Variants in CSTPP1 observed in about 807,000 individuals in gnomAD.
CSTPP1 encodes the protein centriolar satellite-associated tubulin polyglutamylase complex regulator 1, also known as UPF0705 protein C11orf49.
chr11:47,071,880 A>G, the CSTPP1 span, among the ~76,000 whole-genome samples: 1 of 152,256 alleles, frequency 6.6e-6, no homozygotes, highest in Non-Finnish European at 1.5e-5. Flanking sequence ...ATCATATAAT[A>G]AACATGCTGT....
chr11:47,140,490 T>C, the CSTPP1 span, among the ~76,000 whole-genome samples: 1 of 152,290 alleles, frequency 6.6e-6, no homozygotes, highest in South Asian at 2.1e-4. Flanking sequence ...TGGTGCAATC[T>C]TGGCTGACTG....
the CSTPP1 span, among the ~76,000 whole-genome samples, chr11:47,126,376 AC>A: frequency 8.5e-5 from 13 of 152,278 alleles, no homozygotes; most frequent in South Asian, 1.4e-3. Context: ...TAATCCCAAT[AC>A]TTCGGGAGGC....
At chr11:47,088,289 T>C in the CSTPP1 span, among the ~76,000 whole-genome samples, 1 of 152,180 alleles carries the variant, frequency 6.6e-6, no homozygotes, top group African/African-American at 2.4e-5. Context: ...GCTCCATAAA[T>C]GGCAGTTGTT....
chr11:46,952,453 G>A, the CSTPP1 span, among the ~76,000 whole-genome samples: 8 of 152,368 alleles, frequency 5.3e-5, no homozygotes, highest in South Asian at 2.1e-4. Flanking sequence ...AAGAATGGCA[G>A]TGTATTTTTG....
the CSTPP1 span, among the ~76,000 whole-genome samples, chr11:46,940,302 G>C: frequency 2.0e-5 from 3 of 152,190 alleles, no homozygotes; most frequent in African/African-American, 7.2e-5. Flanking sequence ...GCCTTTTGCT[G>C]TTACTAAGAA....
chr11:47,086,225 C>T, the CSTPP1 span, among the ~76,000 whole-genome samples: 1 of 4,564 alleles, frequency 2.2e-4, no homozygotes, highest in African/African-American at 8.6e-4. Context: ...CCCATCTCTA[C>T]TAAAAATCCA....
the CSTPP1 span, among the ~76,000 whole-genome samples, chr11:47,120,669 C>T: frequency 6.6e-6 from 1 of 152,100 alleles, no homozygotes; most frequent in Non-Finnish European, 1.5e-5. This position sits in a 1 kb window ranked among gnomAD's most constrained non-coding sequence, Gnocchi z 4.2. Flanking sequence ...ATTCAAAGCT[C>T]GAATGTGCTT....
the CSTPP1 span, among the ~76,000 whole-genome samples, chr11:47,037,860 A>G: frequency 7.9e-6 from 1 of 126,528 alleles, no homozygotes; most frequent in Admixed American, 8.4e-5. Flanking sequence ...ATTCCACAAA[A>G]CCGCCATTGT....
the CSTPP1 span, among the ~76,000 whole-genome samples, chr11:47,010,926 A>G: frequency 6.6e-6 from 1 of 152,212 alleles, no homozygotes; most frequent in Non-Finnish European, 1.5e-5. Flanking sequence ...TGTATTACTA[A>G]GTATCAGAAG....
At chr11:47,023,031 G>T in the CSTPP1 span, among the ~76,000 whole-genome samples, 2 of 152,126 alleles carry the variant, frequency 1.3e-5, no homozygotes, top group East Asian at 3.9e-4. Context: ...ATCAGATTTT[G>T]TAGGTCTGGG....
At chr11:47,060,180 G>A in the CSTPP1 span, among the ~76,000 whole-genome samples, 5 of 149,798 alleles carry the variant, frequency 3.3e-5, no homozygotes, top group East Asian at 3.9e-4. Flanking sequence ...AGGCCACAGC[G>A]CTTATAAGTA....
At chr11:47,158,305 A>T in the CSTPP1 span, among the ~76,000 whole-genome samples, 1 of 152,026 alleles carries the variant, frequency 6.6e-6, no homozygotes, top group Non-Finnish European at 1.5e-5. Context: ...TTTATAAACA[A>T]GGCACAGGTG....
the CSTPP1 span, among the ~76,000 whole-genome samples, chr11:46,990,753 T>C: frequency 2.6e-5 from 4 of 152,222 alleles, no homozygotes; most frequent in African/African-American, 9.6e-5. Context: ...AGGATTTTTA[T>C]AGTTTGAGAT....
At chr11:47,016,404 C>CAAAAA in the CSTPP1 span, among the ~76,000 whole-genome samples, 2 of 30,246 alleles carry the variant, frequency 6.6e-5, no homozygotes, top group African/African-American at 1.4e-4. Context: ...AAACAAAAAA[C>CAAAAA]AAAAAACAAA....
the CSTPP1 span, among the ~76,000 whole-genome samples, chr11:47,103,163 C>G: frequency 2.2e-4 from 33 of 151,994 alleles, no homozygotes; most frequent in South Asian, 3.7e-3. Flanking sequence ...TTTGGGAGGC[C>G]AAGGTGGGAG....
chr11:47,113,195 A>G, the CSTPP1 span, among the ~76,000 whole-genome samples: 1 of 152,194 alleles, frequency 6.6e-6, no homozygotes, highest in Non-Finnish European at 1.5e-5. Flanking sequence ...GCTGCATAGT[A>G]TTCCATGGTG....
At chr11:46,941,849 C>T in the CSTPP1 span, among the ~76,000 whole-genome samples, 3 of 152,154 alleles carry the variant, frequency 2.0e-5, no homozygotes, top group African/African-American at 7.2e-5. Context: ...CCTAGGCATT[C>T]AGTGAAACCC....
the CSTPP1 span, among the ~76,000 whole-genome samples, chr11:46,990,994 T>A: frequency 2.0e-5 from 3 of 152,162 alleles, no homozygotes; most frequent in Non-Finnish European, 4.4e-5. Flanking sequence ...ATGTTTCTGT[T>A]TTTGTACCGG....
At chr11:47,082,149 C>CAAA in the CSTPP1 span, among the ~76,000 whole-genome samples, 1,695 of 83,212 alleles carry the variant, frequency 0.02, 117 homozygotes, top group Admixed American at 0.12. Context: ...GACCCTGTCT[C>CAAA]AAAAAAAAAA....
Sources: gnomAD v4.1 joint callset for allele counts (sites outside exome capture counted in the v4.1 genomes callset) on GRCh38, gnomAD v4.1.1 for gene constraint, Gnocchi (gnomAD v3.1) non-coding constraint, MANE v1.5 for transcripts, NCBI Gene and HGNC (gene_info 2026-07-23, HGNC 2026-07-21) for gene names.